Variants in MAML3 observed in about 807,000 individuals in gnomAD.
The protein encoded by MAML3 is mastermind like transcriptional coactivator 3, also known as mastermind-like protein 3.
In MAML3, 27 loss-of-function variants were observed where a neutral mutation model predicts 101.9. That is an observed-to-expected ratio of 0.27 (90% CI 0.20 to 0.37). MAML3 has a LOEUF of 0.37. Among genes scored for constraint, MAML3 ranks in the 10% least tolerant of loss-of-function variants. The pLI, the probability that MAML3 is intolerant of heterozygous loss-of-function variation, is 1.00. For synonymous variants in MAML3, 501 were observed against 555.9 expected (o/e 0.90, Z 1.39); for missense variants, 1,316 against 1,444.9 (o/e 0.91, Z 1.45).
chr4:140,078,376 T>C (rs974502313), intron 1 of MAML3, among the ~76,000 whole-genome samples: 1 of 152,220 alleles, frequency 6.6e-6, no homozygotes, highest in African/African-American at 2.4e-5. Context: ...AGGACTCTTT[T>C]AATCATTACT....
chr4:139,921,634 C>A (rs776775972), intron 1 of MAML3, among the ~76,000 whole-genome samples: 1 of 152,030 alleles, frequency 6.6e-6, no homozygotes, highest in Non-Finnish European at 1.5e-5. Context: ...TCTCTCTCCC[C>A]CTCACCACAA....
chr4:140,117,601 G>A (rs988723307), intron 1 of MAML3, among the ~76,000 whole-genome samples: 1 of 150,968 alleles, frequency 6.6e-6, no homozygotes, highest in African/African-American at 2.4e-5. Flanking sequence ...GCGAGACCCT[G>A]TCTAAAAAAA....
At chr4:139,895,372 A>G (rs1427656717) in intron 1 of MAML3, among the ~76,000 whole-genome samples, 1 of 152,220 alleles carries the variant, frequency 6.6e-6, no homozygotes, top group Non-Finnish European at 1.5e-5. Context: ...CTCAGAATAG[A>G]CAATAAATAC....
intron 2 of MAML3, among the ~76,000 whole-genome samples, chr4:139,738,020 A>C (rs544403775): frequency 6.6e-5 from 10 of 152,382 alleles, no homozygotes; most frequent in Admixed American, 2.0e-4. Flanking sequence ...TGGGTCCAGC[A>C]AAGCTCTTGG....
intron 1 of MAML3, among the ~76,000 whole-genome samples, chr4:140,114,935 A>G (rs1728492650): frequency 6.6e-6 from 1 of 152,188 alleles, no homozygotes; most frequent in Admixed American, 6.5e-5. Flanking sequence ...AGTTGCCCCA[A>G]TTCTTTTGCA....
chr4:139,968,873 G>A (rs1401442403), intron 1 of MAML3, among the ~76,000 whole-genome samples: 2 of 152,076 alleles, frequency 1.3e-5, no homozygotes, highest in African/African-American at 4.8e-5. Context: ...GGAGGACAGA[G>A]GAGGCTGTAT....
At chr4:139,932,600 A>G (rs748550445) in intron 1 of MAML3, among the ~76,000 whole-genome samples, 4 of 152,214 alleles carry the variant, frequency 2.6e-5, no homozygotes, top group Non-Finnish European at 5.9e-5. Context: ...ACTAATAGAC[A>G]CTATCTTTGA....
intron 1 of MAML3, among the ~76,000 whole-genome samples, chr4:140,068,755 C>T (rs1182860231): frequency 1.3e-5 from 2 of 152,142 alleles, no homozygotes; most frequent in African/African-American, 4.8e-5. Context: ...AAGAGCAGAG[C>T]CAGGCACATA....
chr4:139,942,983 AT>A (rs1211443791), intron 1 of MAML3, among the ~76,000 whole-genome samples: 1 of 152,214 alleles, frequency 6.6e-6, no homozygotes, highest in African/African-American at 2.4e-5. Flanking sequence ...ATATATTTGT[AT>A]TTTGAATGTT....
intron 1 of MAML3, among the ~76,000 whole-genome samples, chr4:140,151,695 G>GGC (rs1553981887): frequency 6.7e-6 from 1 of 149,704 alleles, no homozygotes; most frequent in Non-Finnish European, 1.5e-5. Flanking sequence ...CGGTGCGGGG[G>GGC]GGGGGGGCAC....
chr4:140,079,051 T>A (rs1727823489), intron 1 of MAML3, among the ~76,000 whole-genome samples: 1 of 152,164 alleles, frequency 6.6e-6, no homozygotes, highest in East Asian at 1.9e-4. Context: ...ATGCTGGAGT[T>A]GATAAGAAGG....
intron 1 of MAML3, among the ~76,000 whole-genome samples, chr4:140,038,829 A>G (rs1483982970): frequency 1.3e-5 from 2 of 152,202 alleles, no homozygotes; most frequent in African/African-American, 2.4e-5. Context: ...CTGCATATAC[A>G]GGAATAATAC....
At chr4:139,877,325 A>T (rs1732135205) in intron 2 of MAML3, among the ~76,000 whole-genome samples, 1 of 152,132 alleles carries the variant, frequency 6.6e-6, no homozygotes. Flanking sequence ...TTTGTATAGG[A>T]AAGCAGCATT....
chr4:140,014,132 C>A (rs1296277490), intron 1 of MAML3, among the ~76,000 whole-genome samples: 1 of 152,202 alleles, frequency 6.6e-6, no homozygotes, highest in Non-Finnish European at 1.5e-5. Flanking sequence ...TTCTAGTCAA[C>A]TTCTTTCTAA....
chr4:140,081,428 C>T (rs186665934), intron 1 of MAML3, among the ~76,000 whole-genome samples: 2 of 152,256 alleles, frequency 1.3e-5, no homozygotes, highest in Admixed American at 1.3e-4. Context: ...TTACCAATAT[C>T]GTGCTTACTG....
intron 1 of MAML3, among the ~76,000 whole-genome samples, chr4:140,129,901 G>C (rs536908714): frequency 6.6e-6 from 1 of 151,098 alleles, no homozygotes; most frequent in Non-Finnish European, 1.5e-5. Context: ...GGAGGCAGAG[G>C]TTTCAGTGAG....
chr4:139,825,463 T>G (rs1003473049), intron 2 of MAML3, among the ~76,000 whole-genome samples: 1 of 152,212 alleles, frequency 6.6e-6, no homozygotes, highest in Non-Finnish European at 1.5e-5. Flanking sequence ...CCCTCTCATC[T>G]TTTTATAAGA....
intron 2 of MAML3, among the ~76,000 whole-genome samples, chr4:139,798,893 A>G (rs1021014724): frequency 1.3e-5 from 2 of 152,218 alleles, no homozygotes; most frequent in African/African-American, 4.8e-5. Context: ...ATGTCCTACC[A>G]GGCCCTTTCA....
At chr4:139,930,836 C>T (rs1464837739) in intron 1 of MAML3, among the ~76,000 whole-genome samples, 1 of 152,054 alleles carries the variant, frequency 6.6e-6, no homozygotes, top group Admixed American at 6.6e-5. Flanking sequence ...ATGTTACCAA[C>T]TGATTTCATG....
Sources: gnomAD v4.1 joint callset for allele counts (sites outside exome capture counted in the v4.1 genomes callset) on GRCh38, gnomAD v4.1.1 for gene constraint, MANE v1.5 for transcripts, NCBI Gene and HGNC (gene_info 2026-07-23, HGNC 2026-07-21) for gene names.